Variants in SORCS2 observed in about 807,000 individuals in gnomAD.
The protein encoded by SORCS2 is sortilin related VPS10 domain containing receptor 2, also known as VPS10 domain-containing receptor SorCS2.
Under a neutral mutation model 141.6 loss-of-function variants are expected in SORCS2, and 100 were observed. The ratio of observed to expected loss-of-function variants is 0.71; its 90% CI spans 0.60 to 0.83. The LOEUF (loss-of-function observed/expected upper bound fraction) is 0.83. Among genes scored for constraint, SORCS2 ranks in the 40% least tolerant of loss-of-function variants. The pLI is 0.00. For missense variants in SORCS2, 1,646 were observed against 1,560.2 expected, an observed-to-expected ratio of 1.05 and a Z score of -0.93; for synonymous variants, 789 against 676.9, an observed-to-expected ratio of 1.17 and a Z score of -2.57.
chr4:7,661,441 G>A (rs1162521672), intron 5 of SORCS2, 59 bp from the exon 6 acceptor site: 3 of 1,534,870 alleles, frequency 2.0e-6, no homozygotes, highest in Non-Finnish European at 2.6e-6. Flanking sequence ...GTGGGGAGCA[G>A]CTGGGGGACG....
intron 2 of SORCS2, among the ~76,000 whole-genome samples, chr4:7,438,970 C>G (rs893778982): frequency 6.6e-6 from 1 of 152,154 alleles, no homozygotes; most frequent in Non-Finnish European, 1.5e-5. Context: ...TCTGTACTTT[C>G]CAGCACAGGG....
intron 2 of SORCS2, among the ~76,000 whole-genome samples, chr4:7,489,325 TTCCTAATTTGTGGCTGCGTCG>T (rs1226320548): frequency 1.3e-5 from 2 of 152,208 alleles, no homozygotes; most frequent in East Asian, 3.9e-4. Flanking sequence ...CTAAACCCAC[TTCCTAATTTGTGGCTGCGTCG>T]TCGCTGGTGC....
chr4:7,302,767 A>ATGTGTGTGTGTGTGTG (rs753375857), intron 1 of SORCS2, among the ~76,000 whole-genome samples: 1,257 of 101,600 alleles, frequency 0.012, 16 homozygotes, highest in South Asian at 0.022. Context: ...GACAGTCCAC[A>ATGTGTGTGTGTGTGTG]TATGTGTGTG....
At chr4:7,386,664 C>A (rs1376218930) in intron 1 of SORCS2, among the ~76,000 whole-genome samples, 1 of 151,218 alleles carries the variant, frequency 6.6e-6, no homozygotes, top group Non-Finnish European at 1.5e-5. Flanking sequence ...AATACATGCA[C>A]ACACACATAG....
intron 3 of SORCS2, among the ~76,000 whole-genome samples, chr4:7,587,989 C>G (rs917118561): frequency 1.3e-5 from 2 of 152,136 alleles, no homozygotes; most frequent in African/African-American, 4.8e-5. Context: ...AAAAGTGGTC[C>G]CAAAGGATTA....
intron 1 of SORCS2, among the ~76,000 whole-genome samples, chr4:7,308,974 C>T (rs1577382033): frequency 6.6e-6 from 1 of 152,172 alleles, no homozygotes; most frequent in Non-Finnish European, 1.5e-5. Flanking sequence ...AGTTCTGGGG[C>T]CCATGGTTCT....
intron 4 of SORCS2, among the ~76,000 whole-genome samples, chr4:7,651,655 G>A (rs946185378): frequency 2.6e-5 from 4 of 152,232 alleles, no homozygotes; most frequent in Non-Finnish European, 2.9e-5. Context: ...CTGGCAGTGG[G>A]CTGGACAGGG....
intron 2 of SORCS2, among the ~76,000 whole-genome samples, chr4:7,428,382 G>A (rs1247821463): frequency 6.6e-6 from 1 of 152,218 alleles, no homozygotes; most frequent in African/African-American, 2.4e-5. Context: ...TCCATGCTGG[G>A]CTCTGTCTTG....
At chr4:7,403,894 C>T (rs1199678888) in intron 2 of SORCS2, among the ~76,000 whole-genome samples, 1 of 144,610 alleles carries the variant, frequency 6.9e-6, no homozygotes, top group African/African-American at 2.5e-5. Context: ...TTTGAATACT[C>T]CACCCCCCCG....
chr4:7,510,849 TC>T (rs1462166160), intron 2 of SORCS2, among the ~76,000 whole-genome samples: 1 of 151,872 alleles, frequency 6.6e-6, no homozygotes, highest in East Asian at 1.9e-4. Flanking sequence ...TCATGCTCTG[TC>T]CTCCTTTATT....
chr4:7,628,908 A>G (rs1419583849), intron 3 of SORCS2, among the ~76,000 whole-genome samples: 1 of 152,196 alleles, frequency 6.6e-6, no homozygotes, highest in Non-Finnish European at 1.5e-5. Context: ...AATAATATAA[A>G]AGGATGTTTT....
intron 2 of SORCS2, among the ~76,000 whole-genome samples, chr4:7,504,851 C>T (rs1398926459): frequency 6.6e-6 from 1 of 152,194 alleles, no homozygotes; most frequent in African/African-American, 2.4e-5. Flanking sequence ...TGGGACCCGA[C>T]TGTTGGGGGC....
intron 3 of SORCS2, among the ~76,000 whole-genome samples, chr4:7,614,501 C>T (rs1393775324): frequency 6.6e-6 from 1 of 151,394 alleles, no homozygotes; most frequent in Non-Finnish European, 1.5e-5. Flanking sequence ...ATCCATTCAT[C>T]CACCCACCCA....
At chr4:7,482,713 C>A (rs1248754625) in intron 2 of SORCS2, among the ~76,000 whole-genome samples, 1 of 102,252 alleles carries the variant, frequency 9.8e-6, no homozygotes, top group Admixed American at 9.7e-5. Context: ...ACACCCCTGA[C>A]GCTGTTCAGA....
chr4:7,289,362 A>T (rs538536232), intron 1 of SORCS2, among the ~76,000 whole-genome samples: 96 of 151,988 alleles, frequency 6.3e-4, no homozygotes, highest in African/African-American at 2.1e-3. Context: ...CACTGTGCCA[A>T]CTCTGACATC....
chr4:7,541,569 G>T (rs1327956381), intron 3 of SORCS2, among the ~76,000 whole-genome samples: 1 of 152,226 alleles, frequency 6.6e-6, no homozygotes, highest in Admixed American at 6.5e-5. Context: ...CACAGCTGTG[G>T]CCAGGGCCTT....
intron 1 of SORCS2, among the ~76,000 whole-genome samples, chr4:7,240,382 G>A (rs926452976): frequency 4.6e-5 from 7 of 152,218 alleles, no homozygotes; most frequent in Admixed American, 2.6e-4. Flanking sequence ...CTGGGGATTT[G>A]TAATTTGTTT....
intron 2 of SORCS2, among the ~76,000 whole-genome samples, chr4:7,518,198 T>C (rs150155881): frequency 6.6e-6 from 1 of 152,342 alleles, no homozygotes; most frequent in East Asian, 1.9e-4. Flanking sequence ...GAACTGAGGA[T>C]ACATTAGCGT....
At chr4:7,736,996 C>T (rs948077260) in intron 25 of SORCS2, 73 bp from the exon 26 acceptor site, 17 of 1,532,062 alleles carry the variant, frequency 1.1e-5, no homozygotes, top group African/African-American at 1.4e-5. Flanking sequence ...GTCAGGCGGC[C>T]AGCGGAAGGC....
Sources: gnomAD v4.1 joint callset for allele counts (sites outside exome capture counted in the v4.1 genomes callset) on GRCh38, gnomAD v4.1.1 for gene constraint, MANE v1.5 for transcripts, NCBI Gene and HGNC (gene_info 2026-07-23, HGNC 2026-07-21) for gene names.